Variants in BNC2 observed in about 807,000 individuals in gnomAD.
BNC2 encodes the protein zinc finger protein basonuclin-2.
BNC2 carries 20 observed loss-of-function variants against 76.3 expected under a neutral mutation model. The ratio of observed to expected loss-of-function variants is 0.26; its 90% CI spans 0.18 to 0.38. BNC2 has a LOEUF of 0.38. Ranked by LOEUF, BNC2 falls within the 10% of genes least tolerant of loss-of-function variation. BNC2 has a pLI of 1.00. For synonymous variants in BNC2, 582 were observed against 514.8 expected (o/e 1.13, Z -1.77); for missense variants, 1,382 against 1,399.8 (o/e 0.99, Z 0.20).
chr9:16,688,313 C>T (rs1158704953), intron 3 of BNC2, among the ~76,000 whole-genome samples: 2 of 152,158 alleles, frequency 1.3e-5, no homozygotes, highest in Non-Finnish European at 2.9e-5. Context: ...TTTAGCACAT[C>T]TCATTCCACC....
intron 4 of BNC2, among the ~76,000 whole-genome samples, chr9:16,566,109 C>CT (rs954552296): frequency 9.2e-5 from 14 of 152,242 alleles, no homozygotes; most frequent in Non-Finnish European, 1.8e-4. Context: ...ATTCTATTTT[C>CT]TTTTTCCATG....
chr9:16,869,907 C>T (rs7862213), intron 1 of BNC2, among the ~76,000 whole-genome samples: 21,917 of 152,092 alleles, frequency 0.14, 2,293 homozygotes, highest in African/African-American at 0.29. Context: ...TTTTATTCTG[C>T]TCCCTCCCCA....
intron 5 of BNC2, among the ~76,000 whole-genome samples, chr9:16,506,178 T>TA (rs1002292056): frequency 1.3e-5 from 2 of 151,934 alleles, no homozygotes; most frequent in African/African-American, 4.8e-5. Context: ...AAGTGTAGGT[T>TA]AAAAAAAATA....
At chr9:16,527,306 GA>G (rs1817834989) in intron 5 of BNC2, among the ~76,000 whole-genome samples, 1 of 152,186 alleles carries the variant, frequency 6.6e-6, no homozygotes, top group South Asian at 2.1e-4. Flanking sequence ...TAGGTGCAAA[GA>G]GATAATTAGC....
At chr9:16,610,173 C>T (rs1039510259) in intron 3 of BNC2, among the ~76,000 whole-genome samples, 1 of 152,068 alleles carries the variant, frequency 6.6e-6, no homozygotes, top group South Asian at 2.1e-4. Flanking sequence ...TAACCACAAC[C>T]AGAAGGATAA....
In BNC2 at chr9:16,840,787, C is replaced by T. The variant is rs533224130; in HGVS notation, c.3+29859G>A. Among the ~76,000 whole-genome samples the T allele has an allele frequency of 3.9e-5, 6 of 152,304 alleles. No individual in the cohort carries two copies. The East Asian group carries it at 1.2e-3, about 29-fold the overall frequency. On this transcript the variant is annotated intron_variant, in intron 1 of 6. Transcript: ENST00000380672. The stretch of plus-strand genomic sequence containing the variant: ...ATAGTTATTTCAGCAGTTCTAATGT[C>T]AAATGAGCCTACAACTGCTCATCAG...
intron 1 of BNC2, among the ~76,000 whole-genome samples, chr9:16,841,720 A>C (rs1302119983): frequency 6.6e-6 from 1 of 152,254 alleles, no homozygotes; most frequent in Admixed American, 6.5e-5. Context: ...AAAATAAAAG[A>C]TTAATCCATG....
At chr9:16,434,499 C>A (rs1056588299) in intron 6 of BNC2, among the ~76,000 whole-genome samples, 1 of 151,972 alleles carries the variant, frequency 6.6e-6, no homozygotes, top group East Asian at 1.9e-4. Context: ...AATGTAGAAC[C>A]AAAAACCGCA....
rs1211953644 is a variant in BNC2 at position 16,409,703 on chromosome 9, A to G, written c.*9286T>C. The G allele has an allele frequency of 6.5e-6, 1 of 152,674 alleles. No individual in the cohort carries two copies. The highest frequency in any genetic ancestry group is 1.5e-5 in the Non-Finnish European group (1 of 68,038). 9.5% of individuals were successfully genotyped at this position (152,674 alleles called of 1,614,324 possible). A position where few individuals can be genotyped will look rare whatever the true frequency, so the allele number is the denominator to read the frequency against. ...GCAAATTAAAAAATTTAATTACCTT[A>G]GCCTACCAATAAAAACAAAAAGCAA... On this transcript the variant is annotated 3_prime_UTR_variant, in exon 7 of 7. Transcript: ENST00000380672.
chr9:16,860,666 CAG>C (rs1051865722), intron 1 of BNC2, among the ~76,000 whole-genome samples: 5 of 152,252 alleles, frequency 3.3e-5, no homozygotes, highest in African/African-American at 1.2e-4. Flanking sequence ...ATACCAAGGA[CAG>C]AAACATCAAC....
At chr9:16,764,303 C>A (rs1825631462) in intron 1 of BNC2, among the ~76,000 whole-genome samples, 1 of 152,138 alleles carries the variant, frequency 6.6e-6, no homozygotes, top group Admixed American at 6.5e-5. Context: ...CATTAAGAAA[C>A]AGAGTCTATG....
intron 5 of BNC2, among the ~76,000 whole-genome samples, chr9:16,517,741 G>T (rs1412278934): frequency 6.6e-6 from 1 of 152,118 alleles, no homozygotes; most frequent in Non-Finnish European, 1.5e-5. Context: ...TTTTTGAAAG[G>T]AAATATGCCT....
chr9:16,602,318 A>G (rs1820264150), intron 3 of BNC2, among the ~76,000 whole-genome samples: 2 of 152,228 alleles, frequency 1.3e-5, no homozygotes, highest in Non-Finnish European at 2.9e-5. Context: ...TTTACTACTA[A>G]TCATCTTAAT....
chr9:16,747,772 A>C (rs1263023241), intron 1 of BNC2, among the ~76,000 whole-genome samples: 1 of 152,196 alleles, frequency 6.6e-6, no homozygotes, highest in Non-Finnish European at 1.5e-5. Flanking sequence ...ACATCAATTA[A>C]TATCTGGTAA....
chr9:16,739,580 A>C (rs1481877715), intron 1 of BNC2, among the ~76,000 whole-genome samples: 1 of 152,208 alleles, frequency 6.6e-6, no homozygotes, highest in Non-Finnish European at 1.5e-5. Context: ...GCTGAGGCAG[A>C]GGAATCACTT....
At chr9:16,735,313 C>T (rs1824632512) in intron 2 of BNC2, among the ~76,000 whole-genome samples, 1 of 151,202 alleles carries the variant, frequency 6.6e-6, no homozygotes, top group Admixed American at 6.6e-5. Flanking sequence ...GTAACAGTGG[C>T]TTCTTTATAC....
intron 3 of BNC2, among the ~76,000 whole-genome samples, chr9:16,637,036 C>T (rs904309468): frequency 1.3e-5 from 2 of 151,672 alleles, no homozygotes; most frequent in East Asian, 1.9e-4. Context: ...GGTTCAAAGA[C>T]AACTGCTCTT....
chr9:16,702,372 A>G (rs1823539629), intron 3 of BNC2, among the ~76,000 whole-genome samples: 1 of 152,188 alleles, frequency 6.6e-6, no homozygotes, highest in African/African-American at 2.4e-5. Context: ...TACAAAAGTA[A>G]ACAGGATCCA....
At chr9:16,751,634 G>GTGTGTATATA (rs1563926890) in intron 1 of BNC2, among the ~76,000 whole-genome samples, 5 of 8,564 alleles carry the variant, frequency 5.8e-4, no homozygotes, top group Middle Eastern at 0.062. Context: ...ATATATGTAT[G>GTGTGTATATA]TATATATGTA....
Sources: allele counts gnomAD v4.1 joint callset (sites outside exome capture counted in the v4.1 genomes callset), GRCh38; gene constraint gnomAD v4.1.1; transcripts MANE v1.5; gene names NCBI Gene and HGNC (gene_info 2026-07-23, HGNC 2026-07-21).